ZNF185: variants seen among roughly 807,000 people sequenced by gnomAD.
ZNF185 encodes zinc finger protein 185 with LIM domain.
In ZNF185, 56 loss-of-function variants were observed where a neutral mutation model predicts 58.6. That is an observed-to-expected ratio of 0.95 (90% CI 0.77 to 1.19). The LOEUF (loss-of-function observed/expected upper bound fraction) is 1.19, where lower values mean the gene tolerates loss of function less well. ZNF185 is among the 50% of genes most tolerant of loss of function. The pLI, the probability that ZNF185 is intolerant of heterozygous loss-of-function variation, is 0.00. For missense variants in ZNF185, 627 were observed against 573.5 expected, an observed-to-expected ratio of 1.09 and a Z score of -0.95; for synonymous variants, 230 against 215.9, an observed-to-expected ratio of 1.07 and a Z score of -0.57.
chrX:152,935,948 G>A (rs6627710), intron 14 of ZNF185, among the ~76,000 whole-genome samples: 43,353 of 110,961 alleles, frequency 0.39, 6,138 homozygotes, highest in East Asian at 0.51. Context: ...TCCATATTGA[G>A]TGGGTGAATA....
At chrX:152,911,732 ATCC>A (rs1937329624), upstream of ZNF185, among the ~76,000 whole-genome samples, 2 of 49,215 alleles carry the variant, frequency 4.1e-5, no homozygotes, top group East Asian at 6.8e-4. Flanking sequence ...ATCCCATCCC[ATCC>A]CATCACATCC....
chrX:152,914,442 C>T lies in ZNF185; in HGVS notation c.-48C>T. Reference sequence around the variant, plus strand: ...GACAGCATTTGCTTACCTTTATCCCCAGAAGCCCTGCTGAATCAAGTGAGA... The same window carrying T: ...GACAGCATTTGCTTACCTTTATCCCTAGAAGCCCTGCTGAATCAAGTGAGA... On this transcript the variant is annotated 5_prime_UTR_variant, in exon 1 of 23. Coordinates refer to ENST00000449285, the Ensembl canonical transcript of ZNF185. 1 of 1,121,127 alleles carries T rather than the reference C, an allele frequency of 8.9e-7. No individual in the cohort carries two copies. Among genetic ancestry groups the T allele is most frequent in the Non-Finnish European group, 1.2e-6 (1 of 833,559 alleles). 92.4% of individuals were successfully genotyped at this position (1,121,127 alleles called of 1,213,427 possible).
intron 16 of ZNF185, among the ~76,000 whole-genome samples, chrX:152,951,222 C>G (rs2048284838): frequency 9.1e-6 from 1 of 110,401 alleles, no homozygotes; most frequent in Non-Finnish European, 1.9e-5. Context: ...TCCCAAAGTG[C>G]TGGGATTACA....
At chrX:152,905,718 G>C in the ZNF185 span, among the ~76,000 whole-genome samples, 172 of 108,842 alleles carry the variant, frequency 1.6e-3, 1 homozygote, top group South Asian at 0.028. Flanking sequence ...AGGCTTGGGG[G>C]GGGGGCGGGG....
rs781871883 is a variant in ZNF185 at position 152,962,493 on chromosome X, C to T, written c.1608-1346C>T. 7.1e-5 allele frequency among the ~76,000 whole-genome samples: 8 copies of T among 112,032 alleles called. No homozygotes were observed. The South Asian group carries it at 3.0e-3, about 42-fold the overall frequency. ...ACCAGACACCTGGTAGTTGTTCAGTCAGTAGGAGGTCTTCCTTCCTTCCTC... is the reference window on the plus strand; with the variant it reads ...ACCAGACACCTGGTAGTTGTTCAGTTAGTAGGAGGTCTTCCTTCCTTCCTC... On this transcript the variant is annotated intron_variant, in intron 17 of 22. Coordinates refer to ENST00000449285, the Ensembl canonical transcript of ZNF185.
upstream of ZNF185, among the ~76,000 whole-genome samples, chrX:152,910,545 A>G (rs1816457855): frequency 8.9e-6 from 1 of 112,480 alleles, no homozygotes; most frequent in African/African-American, 3.2e-5. Context: ...GATTTGTAAT[A>G]GCTGCATAGT....
intron 17 of ZNF185, among the ~76,000 whole-genome samples, chrX:152,961,575 G>A (rs17327092): frequency 0.23 from 25,956 of 110,920 alleles, 2,297 homozygotes; most frequent in South Asian, 0.39. Context: ...GCCATGGGCC[G>A]CCGGCTAGAG....
chrX:152,929,712 C>T (rs1556875784), intron 12 of ZNF185, among the ~76,000 whole-genome samples: 2 of 112,642 alleles, frequency 1.8e-5, no homozygotes, highest in Non-Finnish European at 3.8e-5. Context: ...TTCCTACTGT[C>T]CCATCCCTGG....
chrX:152,926,533 G>A (rs1299603321), intron 11 of ZNF185, among the ~76,000 whole-genome samples: 1 of 112,937 alleles, frequency 8.9e-6, no homozygotes. Context: ...CACACTGTTT[G>A]GCACAGGCCA....
intron 3 of ZNF185, among the ~76,000 whole-genome samples, chrX:152,916,414 C>T (rs1430958371): frequency 3.6e-5 from 4 of 111,685 alleles, no homozygotes; most frequent in South Asian, 7.6e-4. Context: ...GCTCCCTGCC[C>T]GCTCGTCTTG....
chrX:152,938,528 A>G lies in ZNF185; in HGVS notation c.1211+365A>G, dbSNP rs368521292. Among the ~76,000 whole-genome samples the G allele has an allele frequency of 1.3e-4, 15 of 111,496 alleles. No homozygotes were observed. The South Asian group carries it at 5.7e-3, about 42-fold the overall frequency. The stretch of plus-strand genomic sequence containing the variant: ...AGGCTGGTCCAGATTAGAGCAATAC[A>G]TGAGCGCTAGAGCAGGGGAAGGGGG... On this transcript the variant is annotated intron_variant, in intron 15 of 22. Transcript: ENST00000449285.
chrX:152,898,832 G>C, the ZNF185 span, among the ~76,000 whole-genome samples: 2 of 112,599 alleles, frequency 1.8e-5, no homozygotes, highest in African/African-American at 6.5e-5. Flanking sequence ...TCTGTGGCTG[G>C]ATTGTTTTGA....
the ZNF185 span, among the ~76,000 whole-genome samples, chrX:152,904,085 T>C: frequency 8.9e-6 from 1 of 112,404 alleles, no homozygotes; most frequent in Non-Finnish European, 1.9e-5. Context: ...GCAACTCAAG[T>C]CTTTTTCAGC....
At chrX:152,920,677 C>A in intron 8 of ZNF185, 30 bp from the exon 10 acceptor site, 2 of 1,211,622 alleles carry the variant, frequency 1.7e-6, no homozygotes, top group Non-Finnish European at 2.2e-6. Context: ...GGGCTCTGCC[C>A]AAAGCATTGC....
At chrX:152,912,077 G>A (rs1235319815), upstream of ZNF185, among the ~76,000 whole-genome samples, 2 of 89,479 alleles carry the variant, frequency 2.2e-5, no homozygotes, top group African/African-American at 8.6e-5. Flanking sequence ...TTGTCCCAAA[G>A]AACTGCCTTA....
chrX:152,915,711 G>A (rs782746774), intron 3 of ZNF185, among the ~76,000 whole-genome samples: 16 of 112,523 alleles, frequency 1.4e-4, no homozygotes, highest in Non-Finnish European at 2.3e-4. Flanking sequence ...TATTTTGTCA[G>A]CTGACCAAGG....
chrX:152,930,513 G>A (rs1941755238), intron 12 of ZNF185, among the ~76,000 whole-genome samples: 1 of 111,505 alleles, frequency 9.0e-6, no homozygotes, highest in Non-Finnish European at 1.9e-5. Context: ...GGGGACAGCT[G>A]GGCGAGGGCA....
At chrX:152,940,397 G>A (rs782340068) in intron 15 of ZNF185, among the ~76,000 whole-genome samples, 16 of 83,939 alleles carry the variant, frequency 1.9e-4, no homozygotes, top group East Asian at 9.3e-4. Flanking sequence ...CAGAAAGGCC[G>A]GACACCTCAA....
intron 6 of ZNF185, 83 bp from the exon 8 acceptor site, chrX:152,918,900 C>A: frequency 1.4e-6 from 1 of 700,854 alleles, no homozygotes; most frequent in Non-Finnish European, 2.2e-6. Context: ...ATTGACTTGC[C>A]TCGTCATTGT....
Sources: allele counts gnomAD v4.1 joint callset (sites outside exome capture counted in the v4.1 genomes callset), GRCh38; gene constraint gnomAD v4.1.1; transcripts MANE v1.5; gene names NCBI Gene and HGNC (gene_info 2026-07-23, HGNC 2026-07-21).